The following HIBADH variants were observed in gnomAD, a reference collection of about 807,000 sequenced individuals.
The protein encoded by HIBADH is 3-hydroxyisobutyrate dehydrogenase, also known as 3-hydroxyisobutyrate dehydrogenase, mitochondrial.
Under a neutral mutation model 36.1 loss-of-function variants are expected in HIBADH, and 25 were observed. The observed-to-expected ratio is 0.69, with a 90% CI of 0.50 to 0.97. The LOEUF is 0.97. Ranked by LOEUF, HIBADH falls within the 50% of genes least tolerant of loss-of-function variation. HIBADH has a pLI of 0.00. For missense variants in HIBADH, 421 were observed against 418.0 expected (o/e 1.01, Z -0.06); for synonymous variants, 160 against 149.5 (o/e 1.07, Z -0.51).
chr7:27,538,620 C>T (rs1320875869), intron 5 of HIBADH, among the ~76,000 whole-genome samples: 1 of 152,094 alleles, frequency 6.6e-6, no homozygotes, highest in East Asian at 1.9e-4. Context: ...TGCGGGTCTC[C>T]TCCACTAGGT....
chr7:27,608,836 G>A (rs1471470102), intron 4 of HIBADH, among the ~76,000 whole-genome samples: 1 of 152,142 alleles, frequency 6.6e-6, no homozygotes, highest in Non-Finnish European at 1.5e-5. Context: ...ATCCTGAATG[G>A]CAATTAAAGG....
At chr7:27,652,687 T>C (rs1166972272) in intron 1 of HIBADH, among the ~76,000 whole-genome samples, 1 of 152,240 alleles carries the variant, frequency 6.6e-6, no homozygotes, top group African/African-American at 2.4e-5. Context: ...GGCCATTTTC[T>C]CACTGTATCC....
rs183171068 is a variant in HIBADH at position 27,538,325 on chromosome 7, G to A, written c.695+16C>T. On this transcript the variant is annotated intron_variant, in intron 6 of 7. Coordinates refer to ENST00000265395, the MANE Select transcript of HIBADH (RefSeq NM_152740.4). ...CCTATAAAAATGTTAGTATAAAAAC[G>A]TACTATTCAACAAACCTGATTCCAA... 2.0e-4 allele frequency: 319 copies of A among 1,586,432 alleles called. 3 individuals carry two copies. The African/African-American group carries it at 2.7e-3, about 13-fold the overall frequency.
At chr7:27,647,205 T>C (rs775230908) in intron 2 of HIBADH, among the ~76,000 whole-genome samples, 28 of 152,210 alleles carry the variant, frequency 1.8e-4, no homozygotes, top group South Asian at 2.1e-4. Context: ...GGCTAGTAAG[T>C]GACTAATGGG....
chr7:27,564,466 A>G (rs867315994), intron 4 of HIBADH, among the ~76,000 whole-genome samples: 6 of 152,172 alleles, frequency 3.9e-5, no homozygotes, highest in Non-Finnish European at 7.4e-5. Context: ...CACATTTGTC[A>G]AAAAACAAAA....
At chr7:27,568,079 AG>A (rs1198843338) in intron 4 of HIBADH, among the ~76,000 whole-genome samples, 1 of 152,190 alleles carries the variant, frequency 6.6e-6, no homozygotes, top group Non-Finnish European at 1.5e-5. Flanking sequence ...CATATTTTTA[AG>A]AACTTAAAAG....
chr7:27,650,195 G>GT (rs896383685), intron 1 of HIBADH, among the ~76,000 whole-genome samples: 20 of 150,792 alleles, frequency 1.3e-4, no homozygotes, highest in Non-Finnish European at 4.4e-5. Flanking sequence ...TCAAAAAGAC[G>GT]TAAGTCTTGG....
intron 4 of HIBADH, among the ~76,000 whole-genome samples, chr7:27,557,973 T>G (rs2128186369): frequency 6.6e-6 from 1 of 152,352 alleles, no homozygotes; most frequent in East Asian, 1.9e-4. Flanking sequence ...AGTTTACTCA[T>G]GTGTTTACCT....
At chr7:27,646,689 ATTTTTTTTT>A (rs34491908) in intron 2 of HIBADH, among the ~76,000 whole-genome samples, 1 of 74,866 alleles carries the variant, frequency 1.3e-5, no homozygotes, top group South Asian at 5.5e-4. Context: ...CACGCCCAGC[ATTTTTTTTT>A]TTTTTTTTTT....
At chr7:27,573,873 T>C (rs1157707493) in intron 4 of HIBADH, among the ~76,000 whole-genome samples, 1 of 152,250 alleles carries the variant, frequency 6.6e-6, no homozygotes, top group Non-Finnish European at 1.5e-5. Flanking sequence ...GTTTTTGATA[T>C]ACTGGGTTAA....
intron 4 of HIBADH, among the ~76,000 whole-genome samples, chr7:27,545,724 T>C (rs757364111): frequency 3.3e-5 from 5 of 152,232 alleles, no homozygotes; most frequent in Middle Eastern, 3.2e-3. Context: ...TTATTAATTA[T>C]ATATACAAAA....
intron 4 of HIBADH, among the ~76,000 whole-genome samples, chr7:27,601,110 T>C (rs1220436170): frequency 2.0e-5 from 3 of 152,128 alleles, no homozygotes; most frequent in Non-Finnish European, 4.4e-5. Flanking sequence ...TATAAAACTG[T>C]AAAAGTTAAA....
Position 27,552,833 on chromosome 7 carries a change from T to C in HIBADH, c.485-9733A>G, listed in dbSNP as rs1025040548. The stretch of plus-strand genomic sequence containing the variant: ...TGATGGAGTGACAATATATTCAGTA[T>C]TGCATTTTAATGAAAGTCACTGCAG... On this transcript the variant is annotated intron_variant, in intron 4 of 7. Coordinates refer to ENST00000265395, the MANE Select transcript of HIBADH (RefSeq NM_152740.4). Among the ~76,000 whole-genome samples the C allele has an allele frequency of 5.3e-5, 8 of 152,244 alleles. 1 individual carries two copies. The highest frequency in any genetic ancestry group is 6.5e-5 in the Admixed American group (1 of 15,282).
intron 4 of HIBADH, among the ~76,000 whole-genome samples, chr7:27,629,011 TTTC>T (rs1378894110): frequency 6.6e-6 from 1 of 152,088 alleles, no homozygotes; most frequent in African/African-American, 2.4e-5. Context: ...AACAATTGTT[TTTC>T]TTTTTTTCCC....
chr7:27,527,630 C>T (rs940622602), intron 7 of HIBADH, among the ~76,000 whole-genome samples: 1 of 152,168 alleles, frequency 6.6e-6, no homozygotes, highest in African/African-American at 2.4e-5. Flanking sequence ...GCAAGTCTAT[C>T]AGCACTGTTT....
chr7:27,559,907 T>C (rs1295832582), intron 4 of HIBADH, among the ~76,000 whole-genome samples: 1 of 152,240 alleles, frequency 6.6e-6, no homozygotes, highest in East Asian at 1.9e-4. Flanking sequence ...CCAATATAAC[T>C]GTAGTTTTAA....
chr7:27,610,840 AT>A (rs1486931988), intron 4 of HIBADH, among the ~76,000 whole-genome samples: 1 of 152,160 alleles, frequency 6.6e-6, no homozygotes, highest in Non-Finnish European at 1.5e-5. Context: ...AATAGAAATA[AT>A]TTTTTGTGGT....
intron 4 of HIBADH, among the ~76,000 whole-genome samples, chr7:27,561,507 T>A (rs1237191422): frequency 6.6e-6 from 1 of 152,218 alleles, no homozygotes; most frequent in Admixed American, 6.5e-5. Context: ...AGATACAGAT[T>A]CATTGATGCT....
intron 2 of HIBADH, among the ~76,000 whole-genome samples, chr7:27,638,074 A>G (rs1785873426): frequency 6.6e-6 from 1 of 152,120 alleles, no homozygotes; most frequent in African/African-American, 2.4e-5. Flanking sequence ...GAAAAAAACT[A>G]TTTTAAAATT....
Sources: gnomAD v4.1 joint callset for allele counts (sites outside exome capture counted in the v4.1 genomes callset) on GRCh38, gnomAD v4.1.1 for gene constraint, MANE v1.5 for transcripts, NCBI Gene and HGNC (gene_info 2026-07-23, HGNC 2026-07-21) for gene names.